SMYD3: variants seen among roughly 807,000 people sequenced by gnomAD.
SMYD3 encodes the protein SET and MYND domain containing 3, also known as histone-lysine N-methyltransferase SMYD3.
Under a neutral mutation model 57.7 loss-of-function variants are expected in SMYD3, and 36 were observed. The observed-to-expected ratio is 0.62, with a 90% CI of 0.48 to 0.82. The LOEUF is 0.82. SMYD3 is among the 40% of genes least tolerant of loss of function. The pLI, the probability that SMYD3 is intolerant of heterozygous loss-of-function variation, is 0.00. For synonymous variants in SMYD3, 211 were observed against 195.0 expected, an observed-to-expected ratio of 1.08 and a Z score of -0.68; for missense variants, 515 against 538.8, an observed-to-expected ratio of 0.96 and a Z score of 0.44.
intron 5 of SMYD3, chr1:246,321,712 G>A (rs1168819712): frequency 3.3e-5 from 5 of 151,902 alleles, no homozygotes; most frequent in African/African-American, 7.3e-5. Flanking sequence ...CAAATGTTTC[G>A]GACCCAATCA....
At chr1:246,149,974 A>C (rs998148702) in intron 5 of SMYD3, among the ~76,000 whole-genome samples, 2 of 152,252 alleles carry the variant, frequency 1.3e-5, no homozygotes, top group Non-Finnish European at 2.9e-5. Flanking sequence ...ATTAACTTCT[A>C]TATGTACAAG....
chr1:245,897,489 C>G (rs1276606860), intron 8 of SMYD3, among the ~76,000 whole-genome samples: 1 of 152,260 alleles, frequency 6.6e-6, no homozygotes, highest in African/African-American at 2.4e-5. Flanking sequence ...TTTGCAGTCA[C>G]TGCTTTCCTC....
In SMYD3 at chr1:246,391,170, G is replaced by A. The variant is rs542393550; in HGVS notation, c.165-36076C>T. ...GGAGGTCAAAGTGAGAGGATCACTC[G>A]AGGCCAGGAGTTCAAGATCAGCCTG... is the stretch of plus-strand genomic sequence containing the variant. On this transcript the variant is annotated intron_variant, in intron 1 of 11. Coordinates refer to ENST00000490107, the MANE Select transcript of SMYD3 (RefSeq NM_001167740.2). 5.3e-5 allele frequency among the ~76,000 whole-genome samples: 8 copies of A among 149,582 alleles called. 1 individual carries two copies. In the South Asian group the frequency reaches 1.5e-3, roughly 28 times the overall value.
intron 8 of SMYD3, among the ~76,000 whole-genome samples, chr1:245,909,785 TAAC>T (rs1226125696): frequency 6.6e-6 from 1 of 151,974 alleles, no homozygotes; most frequent in East Asian, 1.9e-4. Flanking sequence ...AAAAAAATCT[TAAC>T]AAACTGGGTA....
intron 5 of SMYD3, among the ~76,000 whole-genome samples, chr1:245,997,679 C>G (rs1266716872): frequency 6.6e-6 from 1 of 152,172 alleles, no homozygotes; most frequent in African/African-American, 2.4e-5. Context: ...GCCCTGCACC[C>G]ACCATCGTGA....
intron 8 of SMYD3, among the ~76,000 whole-genome samples, chr1:245,911,574 G>A (rs151285688): frequency 1.3e-5 from 2 of 151,766 alleles, no homozygotes; most frequent in Non-Finnish European, 2.9e-5. Context: ...ATAAAATCCT[G>A]TCATTTGTAG....
intron 5 of SMYD3, among the ~76,000 whole-genome samples, chr1:246,280,504 C>CA (rs1236657208): frequency 6.6e-6 from 1 of 152,098 alleles, no homozygotes; most frequent in African/African-American, 2.4e-5. Context: ...AAGCTGGGCA[C>CA]AGTAGCTACT....
chr1:246,444,976 G>A (rs539007781), intron 1 of SMYD3, among the ~76,000 whole-genome samples: 34 of 152,204 alleles, frequency 2.2e-4, no homozygotes, highest in Non-Finnish European at 3.7e-4. Context: ...CTAGCCATGT[G>A]ACTTTAAATA....
At chr1:246,449,827 C>A (rs550988210) in intron 1 of SMYD3, among the ~76,000 whole-genome samples, 15 of 152,200 alleles carry the variant, frequency 9.9e-5, no homozygotes, top group African/African-American at 3.6e-4. Context: ...TGAGTATGAA[C>A]CTGCTGACGT....
At chr1:245,943,821 G>A (rs2057342106) in intron 5 of SMYD3, among the ~76,000 whole-genome samples, 1 of 152,092 alleles carries the variant, frequency 6.6e-6, no homozygotes, top group Admixed American at 6.5e-5. Context: ...TGCAAAGCTG[G>A]TTCAATATTT....
At chr1:245,957,280 C>T (rs530060413) in intron 5 of SMYD3, among the ~76,000 whole-genome samples, 8 of 152,298 alleles carry the variant, frequency 5.3e-5, no homozygotes, top group East Asian at 1.9e-4. Flanking sequence ...GAAAGACCAT[C>T]GCTTTGACAC....
chr1:246,132,098 C>T (rs2061596878), intron 5 of SMYD3, among the ~76,000 whole-genome samples: 1 of 151,902 alleles, frequency 6.6e-6, no homozygotes, highest in Admixed American at 6.6e-5. Flanking sequence ...CTAAACATGC[C>T]CATCGGCGAC....
At chr1:246,157,112 A>T (rs958724656) in intron 5 of SMYD3, among the ~76,000 whole-genome samples, 1 of 152,364 alleles carries the variant, frequency 6.6e-6, no homozygotes, top group South Asian at 2.1e-4. Flanking sequence ...GCCAATGAGT[A>T]GCGAAGTCTG....
chr1:246,358,506 A>G (rs2065939750), intron 1 of SMYD3, among the ~76,000 whole-genome samples: 1 of 152,232 alleles, frequency 6.6e-6, no homozygotes, highest in African/African-American at 2.4e-5. Flanking sequence ...CAACTGCAGA[A>G]TGTACATTCT....
At chr1:245,762,427 T>A (rs139642972) in intron 11 of SMYD3, among the ~76,000 whole-genome samples, 2,652 of 152,270 alleles carry the variant, frequency 0.017, 80 homozygotes, top group African/African-American at 0.057. Flanking sequence ...TTCCTGCACG[T>A]TGTTTTTCTG....
chr1:245,806,677 G>C (rs1252640271), intron 10 of SMYD3, among the ~76,000 whole-genome samples: 2 of 151,950 alleles, frequency 1.3e-5, no homozygotes, highest in Non-Finnish European at 2.9e-5. Flanking sequence ...TTGGGAGGCC[G>C]AGGCGGGTGG....
intron 1 of SMYD3, among the ~76,000 whole-genome samples, chr1:246,414,841 T>G (rs1307158264): frequency 6.6e-6 from 1 of 151,068 alleles, no homozygotes; most frequent in Non-Finnish European, 1.5e-5. Flanking sequence ...CCTCAGCCTC[T>G]GAGTAGCTGG....
intron 10 of SMYD3, among the ~76,000 whole-genome samples, chr1:245,848,726 C>A (rs532275567): frequency 6.6e-6 from 1 of 152,238 alleles, no homozygotes; most frequent in South Asian, 2.1e-4. Context: ...AAAGGTATTT[C>A]TTATGTCCTG....
intron 5 of SMYD3, among the ~76,000 whole-genome samples, chr1:246,320,790 G>A (rs529780413): frequency 5.0e-4 from 76 of 152,248 alleles, no homozygotes; most frequent in South Asian, 3.5e-3. Flanking sequence ...CTGAAATTAC[G>A]TTGAGACTAT....
Sources: allele counts gnomAD v4.1 joint callset (sites outside exome capture counted in the v4.1 genomes callset), GRCh38; gene constraint gnomAD v4.1.1; transcripts MANE v1.5; gene names NCBI Gene and HGNC (gene_info 2026-07-23, HGNC 2026-07-21).